The following THADA variants were observed in gnomAD, a reference collection of about 807,000 sequenced individuals.
THADA encodes tRNA (32-2'-O)-methyltransferase regulator THADA.
A neutral mutation model predicts 219.8 loss-of-function variants in THADA; 213 were observed. That is an observed-to-expected ratio of 0.97 (90% CI 0.87 to 1.09). The LOEUF (loss-of-function observed/expected upper bound fraction) is 1.09, where lower values mean the gene tolerates loss of function less well. Among genes scored for constraint, THADA ranks in the 50% least tolerant of loss-of-function variants. The pLI is 0.00. For missense variants in THADA, 2,956 were observed against 2,311.3 expected, an observed-to-expected ratio of 1.28 and a Z score of -5.72; for synonymous variants, 1,018 against 828.9, an observed-to-expected ratio of 1.23 and a Z score of -3.92.
intron 29 of THADA, among the ~76,000 whole-genome samples, chr2:43,382,382 T>C (rs1169092252): frequency 1.3e-5 from 2 of 152,234 alleles, no homozygotes; most frequent in Non-Finnish European, 2.9e-5. Context: ...ATAAAACTAT[T>C]CTTAAGTAAG....
chr2:43,386,897 CAAAAAA>C (rs548365391), intron 29 of THADA, among the ~76,000 whole-genome samples: 1 of 97,312 alleles, frequency 1.0e-5, no homozygotes. Context: ...GATTTCCTCT[CAAAAAA>C]AAAAAAAAAA....
At chr2:43,594,346 G>C (rs539521099) in intron 1 of THADA, among the ~76,000 whole-genome samples, 1 of 152,100 alleles carries the variant, frequency 6.6e-6, no homozygotes, top group South Asian at 2.1e-4. Context: ...TTGGGAGGCC[G>C]AGGCGGGTGG....
chr2:43,290,347 G>C (rs1336248537), intron 34 of THADA, among the ~76,000 whole-genome samples: 2 of 151,500 alleles, frequency 1.3e-5, no homozygotes, highest in African/African-American at 4.9e-5. Context: ...CACCCCACCT[G>C]ACTTTTCTGG....
chr2:43,509,651 T>C (rs2105100009), intron 22 of THADA, among the ~76,000 whole-genome samples: 1 of 152,302 alleles, frequency 6.6e-6, no homozygotes, highest in East Asian at 1.9e-4. Flanking sequence ...GGATTTTTTT[T>C]TCTTTATTCT....
intron 36 of THADA, among the ~76,000 whole-genome samples, chr2:43,260,689 T>C (rs1205087589): frequency 6.6e-6 from 1 of 152,230 alleles, no homozygotes; most frequent in Non-Finnish European, 1.5e-5. Context: ...AGTGGCATTA[T>C]GTTGTTATAT....
rs544947340 is a variant in THADA, at chr2:43,422,786, A to G, written c.4058+5314T>C. 2.6e-5 allele frequency among the ~76,000 whole-genome samples: 4 copies of G among 152,208 alleles called. No homozygotes were observed. The East Asian group carries it at 7.7e-4, about 29-fold the overall frequency. On this transcript the variant is annotated intron_variant, in intron 28 of 37. Coordinates refer to ENST00000405975, the MANE Select transcript of THADA (RefSeq NM_022065.5). ...GGCTGCAGTGCAGTGGCCCAATCAC[A>G]GCTCACTTGAGCTGCCTTGACCTCC...
chr2:43,372,608 AGGGG>A (rs2104626895), intron 29 of THADA, among the ~76,000 whole-genome samples: 2 of 152,250 alleles, frequency 1.3e-5, no homozygotes, highest in East Asian at 3.9e-4. Context: ...CAGCCAACAG[AGGGG>A]GTTTCTACAA....
chr2:43,575,831 C>T (rs965222464), intron 10 of THADA, among the ~76,000 whole-genome samples: 6 of 152,074 alleles, frequency 3.9e-5, no homozygotes, highest in East Asian at 3.9e-4. Flanking sequence ...CCACCATGCC[C>T]GGCCTACACA....
chr2:43,263,153 C>T (rs1671151759), intron 36 of THADA, among the ~76,000 whole-genome samples: 1 of 152,160 alleles, frequency 6.6e-6, no homozygotes, highest in African/African-American at 2.4e-5. Context: ...CACGGCACTT[C>T]CTGGGTATAC....
At chr2:43,458,987 G>C (rs1325975451) in intron 26 of THADA, among the ~76,000 whole-genome samples, 1 of 152,018 alleles carries the variant, frequency 6.6e-6, no homozygotes, top group East Asian at 1.9e-4. Flanking sequence ...GAAAAGTCTA[G>C]GTACCACTTG....
chr2:43,293,030 A>G lies in THADA; in HGVS notation c.4622T>C (p.Val1541Ala). ...TAACAGCTGAGAGAAAGAGATGGGG[A>G]CATTCGTCTCCCGCTCTCCACTCTT... ...AAKSGERETN[V>A]PISFSQLLES... Residue 1541 changes from valine to alanine, a missense_variant, in exon 32 of 38, where the codon GTC becomes GCC. Coordinates refer to ENST00000405975, the MANE Select transcript of THADA (RefSeq NM_022065.5). 6.2e-7 allele frequency: 1 copy of G among 1,613,930 alleles called. No individual in the cohort carries two copies. Among genetic ancestry groups the G allele is most frequent in the Non-Finnish European group, 8.5e-7 (1 of 1,179,876 alleles).
intron 26 of THADA, among the ~76,000 whole-genome samples, chr2:43,463,553 T>G (rs1683881330): frequency 6.6e-6 from 1 of 152,224 alleles, no homozygotes; most frequent in Admixed American, 6.5e-5. Context: ...TCTGTTTCTT[T>G]TAAGTATTTA....
intron 22 of THADA, among the ~76,000 whole-genome samples, chr2:43,523,435 T>G (rs544162608): frequency 1.4e-4 from 22 of 152,310 alleles, no homozygotes; most frequent in Non-Finnish European, 3.1e-4. Flanking sequence ...GCTGAATGAC[T>G]CTTCCCCAAA....
chr2:43,239,032 A>G (rs949506236), intron 36 of THADA, among the ~76,000 whole-genome samples: 2 of 152,210 alleles, frequency 1.3e-5, no homozygotes, highest in African/African-American at 4.8e-5. Context: ...GGGTGGGGTT[A>G]GCTGGTACAC....
intron 30 of THADA, among the ~76,000 whole-genome samples, chr2:43,323,705 G>T (rs1207828639): frequency 1.3e-5 from 2 of 152,152 alleles, no homozygotes; most frequent in African/African-American, 2.4e-5. Context: ...CTTCAGAATA[G>T]GATGTAAGGA....
intron 31 of THADA, among the ~76,000 whole-genome samples, chr2:43,296,448 G>C (rs1284599201): frequency 2.6e-5 from 4 of 151,636 alleles, no homozygotes; most frequent in African/African-American, 9.7e-5. Flanking sequence ...GCTAATTTTT[G>C]TATTTTTAGT....
At chr2:43,432,232 C>T (rs1259747787) in intron 26 of THADA, among the ~76,000 whole-genome samples, 3 of 152,026 alleles carry the variant, frequency 2.0e-5, no homozygotes, top group Non-Finnish European at 2.9e-5. Context: ...CCTTGTGATC[C>T]GCCCACCTCA....
At chr2:43,587,132 A>G in intron 4 of THADA, 130 bp from the exon 5 acceptor site, 1 of 919,828 alleles carries the variant, frequency 1.1e-6, no homozygotes, top group Non-Finnish European at 1.6e-6. Context: ...AACTACAACT[A>G]CACACTACCA....
intron 30 of THADA, among the ~76,000 whole-genome samples, chr2:43,323,973 G>A (rs138868078): frequency 6.6e-6 from 1 of 152,310 alleles, no homozygotes; most frequent in Non-Finnish European, 1.5e-5. Flanking sequence ...GGCTGGTCAG[G>A]CTTTTAAGTG....
Sources: gnomAD v4.1 joint callset for allele counts (sites outside exome capture counted in the v4.1 genomes callset) on GRCh38, gnomAD v4.1.1 for gene constraint, MANE v1.5 for transcripts, NCBI Gene and HGNC (gene_info 2026-07-23, HGNC 2026-07-21) for gene names.